The following RINT1 variants were observed in gnomAD, a reference collection of about 807,000 sequenced individuals.
The protein encoded by RINT1 is RAD50-interacting protein 1.
Under a neutral mutation model 97.7 loss-of-function variants are expected in RINT1, and 75 were observed. The ratio of observed to expected loss-of-function variants is 0.77; its 90% CI spans 0.64 to 0.93. The LOEUF is 0.93. RINT1 is among the 40% of genes least tolerant of loss of function. RINT1 has a pLI of 0.00. For synonymous variants in RINT1, 303 were observed against 326.3 expected, an observed-to-expected ratio of 0.93 and a Z score of 0.77; for missense variants, 892 against 925.2, an observed-to-expected ratio of 0.96 and a Z score of 0.47.
intron 3 of RINT1, among the ~76,000 whole-genome samples, chr7:105,540,993 T>C (rs932592028): frequency 9.2e-5 from 14 of 151,614 alleles, no homozygotes; most frequent in African/African-American, 3.4e-4. Flanking sequence ...TGTGCCACCA[T>C]GCTCAGCTAA....
At chr7:105,553,521 C>T (rs1484602287) in intron 10 of RINT1, among the ~76,000 whole-genome samples, 1 of 150,660 alleles carries the variant, frequency 6.6e-6, no homozygotes, top group African/African-American at 2.4e-5. Context: ...GAGATCGAGA[C>T]CATCCTGGCT....
At chr7:105,546,028 C>T (rs1790654892) in intron 4 of RINT1, among the ~76,000 whole-genome samples, 4 of 151,678 alleles carry the variant, frequency 2.6e-5, no homozygotes, top group Admixed American at 2.6e-4. Context: ...GGCGTTTCAC[C>T]AAGTTGGCCA....
At position 105,551,621 on chromosome 7, in the gene RINT1, C is replaced by A; in HGVS notation, c.1385C>A (p.Ser462Ter). The A allele has an allele frequency of 1.9e-6, 3 of 1,610,006 alleles. No homozygotes were observed. Among genetic ancestry groups the A allele is most frequent in the Non-Finnish European group, 2.5e-6 (3 of 1,177,700 alleles). Residue 462 changes from serine to a stop codon, truncating the protein, a stop_gained, in exon 10 of 15, where the codon TCG becomes TAG. Coordinates refer to ENST00000257700, the MANE Select transcript of RINT1 (RefSeq NM_021930.6). LOFTEE classifies it high-confidence loss of function. The part of the protein sequence containing the change: ...SMLSSEAAWV[S>*]QYKDITDVDE... ...CTTTCCTCAGAAGCTGCCTGGGTAT[C>A]GCAATATAAGGATATCACTGACGTG...
rs56336226 is a variant in RINT1, at chr7:105,540,838, C to CTTT, written c.274-1555_274-1553dup. On this transcript the variant is annotated intron_variant, in intron 3 of 14. Coordinates refer to ENST00000257700, the MANE Select transcript of RINT1 (RefSeq NM_021930.6). ...CCTGTTAGAATGAGATCTTTGTTTC[C>CTTT]TTTTTTTTTTTTTTTTTGATATGGA... 8.4e-4 allele frequency among the ~76,000 whole-genome samples: 113 copies of CTTT among 134,216 alleles called. 2 individuals are homozygous for CTTT. Among genetic ancestry groups the CTTT allele is most frequent in the Middle Eastern group, 3.8e-3 (1 of 266 alleles). The allele number at this position is 134,216 out of a possible 152,430, so 88.1% of individuals were successfully genotyped here.
rs1791557727 is a variant in RINT1, at chr7:105,563,798, GC to G, written c.1738del (p.Gln580SerfsTer2). On this transcript the variant is annotated frameshift_variant, in exon 12 of 15. Transcript: ENST00000257700. LOFTEE classifies it high-confidence loss of function. The stretch of plus-strand genomic sequence containing the variant: ...CAGAGAATAATACTCTGAGTAAATT[GC>G]AGCTAGGACAGCTAGCCTCTATGGA... ...FAENNTLSKL[Q>X]LGQLASMESS... The G allele has an allele frequency of 3.1e-6, 5 of 1,614,164 alleles. No individual in the cohort carries two copies. The East Asian group carries it at 1.1e-4, about 36-fold the overall frequency.
chr7:105,532,447 G>T, intron 1 of RINT1, 90 bp downstream of exon 1: 3 of 1,412,872 alleles, frequency 2.1e-6, no homozygotes, highest in Non-Finnish European at 2.9e-6. Flanking sequence ...CGGTGCGGTG[G>T]CCCTGTAAGC....
chr7:105,561,044 G>C (rs1202597700), intron 11 of RINT1, among the ~76,000 whole-genome samples: 1 of 150,806 alleles, frequency 6.6e-6, no homozygotes, highest in Non-Finnish European at 1.5e-5. Context: ...AATGTTTGAT[G>C]ACCTTAATAA....
At chr7:105,538,941 C>T (rs980844130) in intron 3 of RINT1, among the ~76,000 whole-genome samples, 1 of 152,182 alleles carries the variant, frequency 6.6e-6, no homozygotes, top group Non-Finnish European at 1.5e-5. Flanking sequence ...TGCACATAGA[C>T]AGGTCTTTTC....
At chr7:105,554,935 A>G (rs1300237096) in intron 10 of RINT1, 93 bp from the exon 11 acceptor site, 1 of 932,926 alleles carries the variant, frequency 1.1e-6, no homozygotes, top group Non-Finnish European at 1.6e-6. Context: ...TTGATTTTTG[A>G]CAAAAGCACT....
At chr7:105,549,451 C>T (rs1305573515) in intron 7 of RINT1, among the ~76,000 whole-genome samples, 8 of 151,900 alleles carry the variant, frequency 5.3e-5, no homozygotes, top group Admixed American at 2.0e-4. Context: ...CGCGTTCAAG[C>T]GATTCTCCTG....
At chr7:105,553,019 C>T (rs951902501) in intron 10 of RINT1, among the ~76,000 whole-genome samples, 4 of 151,722 alleles carry the variant, frequency 2.6e-5, no homozygotes, top group African/African-American at 9.7e-5. Flanking sequence ...AATACTAAGA[C>T]AAAAAAATTA....
chr7:105,545,560 C>G lies in RINT1; in HGVS notation c.516-1350C>G, dbSNP rs111567119. Among the ~76,000 whole-genome samples, 940 of 147,294 alleles carry G rather than the reference C, an allele frequency of 6.4e-3. 12 individuals are homozygous for G. The highest frequency in any genetic ancestry group is 0.023 in the African/African-American group (893 of 39,540). Reference sequence around the variant, plus strand: ...TTTTTTTTTGAGATGGAGTCTTACTCTGTTGCTGAGGCTGGAGTGCAGCGG... The same window carrying G: ...TTTTTTTTTGAGATGGAGTCTTACTGTGTTGCTGAGGCTGGAGTGCAGCGG... On this transcript the variant is annotated intron_variant, in intron 4 of 14. Coordinates refer to ENST00000257700, the MANE Select transcript of RINT1 (RefSeq NM_021930.6).
rs769393675 is a variant in RINT1, at chr7:105,547,224, A to G, written c.730A>G (p.Ile244Val). The G allele has an allele frequency of 2.5e-6, 4 of 1,614,154 alleles. No individual in the cohort carries two copies. The highest frequency in any genetic ancestry group is 2.2e-5 in the South Asian group (2 of 91,084). ...TTTAGCACAGCTTCATTGGCCATTC[A>G]TCGCACCCCCTCAATCACAAACTGT... ...EILAQLHWPFIAPPQSQTVGL... is the reference protein window; with the variant it reads ...EILAQLHWPFVAPPQSQTVGL... The change falls in exon 6 of 15, where the codon ATC becomes GTC. Residue 244 changes from isoleucine (I) to valine (V), a missense_variant. Coordinates refer to ENST00000257700, the MANE Select transcript of RINT1 (RefSeq NM_021930.6).
At chr7:105,534,383 T>A (rs1049931568) in intron 2 of RINT1, among the ~76,000 whole-genome samples, 4 of 152,128 alleles carry the variant, frequency 2.6e-5, no homozygotes, top group South Asian at 2.1e-4. Context: ...TAATTTTTTT[T>A]AAAAAATGAA....
At chr7:105,567,010 GAAC>G in intron 14 of RINT1, 106 bp from the exon 15 acceptor site, 1 of 552,958 alleles carries the variant, frequency 1.8e-6, no homozygotes, top group Non-Finnish European at 3.0e-6. Flanking sequence ...TTTTTATAGA[GAAC>G]ATGTGGACCA....
chr7:105,565,774 C>T (rs1015022732), intron 14 of RINT1, 126 bp downstream of exon 14: 15 of 642,836 alleles, frequency 2.3e-5, no homozygotes, highest in African/African-American at 2.0e-4. Context: ...AAAACATTGT[C>T]TATCTACTGT....
intron 3 of RINT1, among the ~76,000 whole-genome samples, chr7:105,537,810 G>A (rs534377877): frequency 2.0e-5 from 3 of 151,620 alleles, no homozygotes; most frequent in Non-Finnish European, 2.9e-5. Flanking sequence ...CACTCCAGCC[G>A]GGGCAACAAA....
intron 3 of RINT1, among the ~76,000 whole-genome samples, chr7:105,540,079 C>CTT (rs769840794): frequency 1.3e-4 from 18 of 135,916 alleles, no homozygotes; most frequent in South Asian, 2.3e-4. Flanking sequence ...ATGCCATTTT[C>CTT]TTTTTTTTTT....
chr7:105,539,875 T>C (rs906955721), intron 3 of RINT1, among the ~76,000 whole-genome samples: 11 of 152,210 alleles, frequency 7.2e-5, no homozygotes, highest in African/African-American at 2.7e-4. Context: ...CTTACAACAC[T>C]CTTATATACC....
Sources: gnomAD v4.1 joint callset for allele counts (sites outside exome capture counted in the v4.1 genomes callset) on GRCh38, gnomAD v4.1.1 for gene constraint, MANE v1.5 for transcripts, NCBI Gene and HGNC (gene_info 2026-07-23, HGNC 2026-07-21) for gene names.